Variants in GRM5 observed in about 807,000 individuals in gnomAD.
The protein encoded by GRM5 is glutamate metabotropic receptor 5, also known as metabotropic glutamate receptor 5.
Under a neutral mutation model 83.1 loss-of-function variants are expected in GRM5, and 19 were observed. The observed-to-expected ratio is 0.23, with a 90% CI of 0.16 to 0.34. The LOEUF is 0.34. Among genes scored for constraint, GRM5 ranks in the 10% least tolerant of loss-of-function variants. The pLI is 1.00. For synonymous variants in GRM5, 675 were observed against 633.6 expected (o/e 1.07, Z -0.98); for missense variants, 1,160 against 1,588.3 (o/e 0.73, Z 4.58).
At chr11:88,765,088 T>C (rs182450407) in intron 3 of GRM5, among the ~76,000 whole-genome samples, 4 of 151,522 alleles carry the variant, frequency 2.6e-5, no homozygotes, top group East Asian at 1.9e-4. Context: ...CAGTAACAAT[T>C]TGATAACCTA....
chr11:88,689,600 G>C (rs118096037), intron 3 of GRM5, among the ~76,000 whole-genome samples: 540 of 152,320 alleles, frequency 3.5e-3, no homozygotes, highest in Non-Finnish European at 6.0e-3. Flanking sequence ...TTTAGATGCT[G>C]ATCTTAGACA....
At chr11:88,722,245 C>A (rs1941559879) in intron 3 of GRM5, among the ~76,000 whole-genome samples, 1 of 152,028 alleles carries the variant, frequency 6.6e-6, no homozygotes, top group Admixed American at 6.6e-5. Context: ...ACTGTTAAAC[C>A]ACTCCTCTAA....
chr11:88,626,825 A>T (rs1938810142), intron 4 of GRM5, among the ~76,000 whole-genome samples: 2 of 152,192 alleles, frequency 1.3e-5, no homozygotes, highest in African/African-American at 4.8e-5. Context: ...ATACAAAAAA[A>T]ATTTGATTCA....
intron 3 of GRM5, among the ~76,000 whole-genome samples, chr11:88,683,159 C>A (rs1940536129): frequency 6.6e-6 from 1 of 152,184 alleles, no homozygotes; most frequent in Non-Finnish European, 1.5e-5. Context: ...GTCATAGCTA[C>A]AATGCCACCA....
chr11:88,816,162 G>C (rs1394460341), intron 3 of GRM5, among the ~76,000 whole-genome samples: 1 of 135,464 alleles, frequency 7.4e-6, no homozygotes, highest in Non-Finnish European at 1.5e-5. Flanking sequence ...GCAGTGAGCC[G>C]AGATTGCGCC....
At chr11:88,530,432 T>C (rs1402786324) in intron 8 of GRM5, among the ~76,000 whole-genome samples, 2 of 152,032 alleles carry the variant, frequency 1.3e-5, no homozygotes, top group Non-Finnish European at 2.9e-5. Flanking sequence ...GCTTATCTTC[T>C]GTAAAGATTT....
chr11:88,741,843 G>A (rs1391489084), intron 3 of GRM5, among the ~76,000 whole-genome samples: 2 of 151,900 alleles, frequency 1.3e-5, no homozygotes, highest in East Asian at 1.9e-4. Context: ...GGATTTCCTG[G>A]AGGAAATAGA....
intron 9 of GRM5, among the ~76,000 whole-genome samples, chr11:88,518,201 A>T (rs992176860): frequency 1.3e-5 from 2 of 152,034 alleles, no homozygotes; most frequent in African/African-American, 4.8e-5. Flanking sequence ...ATATACTCTG[A>T]GTAGTTAGTA....
intron 3 of GRM5, among the ~76,000 whole-genome samples, chr11:88,838,335 A>AC (rs1191048118): frequency 1.3e-5 from 2 of 152,010 alleles, no homozygotes; most frequent in Non-Finnish European, 2.9e-5. Context: ...ATAGTGACTC[A>AC]TCTGTCTGGT....
intron 7 of GRM5, among the ~76,000 whole-genome samples, chr11:88,579,894 A>G (rs1943188596): frequency 6.6e-6 from 1 of 152,208 alleles, no homozygotes; most frequent in Non-Finnish European, 1.5e-5. Context: ...GGGCAAGGGT[A>G]GAATCAAGGA....
At chr11:89,011,226 A>G (rs769895217) in intron 2 of GRM5, among the ~76,000 whole-genome samples, 5 of 152,024 alleles carry the variant, frequency 3.3e-5, no homozygotes, top group African/African-American at 4.8e-5. Flanking sequence ...AACTTCTGTA[A>G]TTCTTCATGA....
intron 3 of GRM5, among the ~76,000 whole-genome samples, chr11:88,762,499 CAGAA>C (rs1942542803): frequency 1.4e-5 from 1 of 69,866 alleles, no homozygotes; most frequent in African/African-American, 5.7e-5. Flanking sequence ...TCACACCACT[CAGAA>C]TGTATTATTA....
At chr11:88,837,599 A>G (rs1478657500) in intron 3 of GRM5, among the ~76,000 whole-genome samples, 1 of 152,220 alleles carries the variant, frequency 6.6e-6, no homozygotes, top group Non-Finnish European at 1.5e-5. Flanking sequence ...ACTTTAAAGC[A>G]CAAGCTCTAG....
At chr11:88,646,476 G>A (rs1385410847) in intron 4 of GRM5, among the ~76,000 whole-genome samples, 1 of 115,864 alleles carries the variant, frequency 8.6e-6, no homozygotes, top group Admixed American at 9.2e-5. Context: ...TTAGATTTAA[G>A]TTTTTAAATG....
intron 2 of GRM5, among the ~76,000 whole-genome samples, chr11:88,909,014 T>C (rs1331561661): frequency 6.6e-6 from 1 of 152,146 alleles, no homozygotes; most frequent in Non-Finnish European, 1.5e-5. Flanking sequence ...ACTTGGACTT[T>C]GAGGCCGAAG....
chr11:88,768,492 C>T (rs373048911), intron 3 of GRM5, among the ~76,000 whole-genome samples: 6 of 151,648 alleles, frequency 4.0e-5, no homozygotes, highest in African/African-American at 1.4e-4. Flanking sequence ...TTCACTTTTA[C>T]AAGATAAAAA....
chr11:88,977,826 T>C (rs2135017201), intron 2 of GRM5, among the ~76,000 whole-genome samples: 1 of 152,350 alleles, frequency 6.6e-6, no homozygotes, highest in African/African-American at 2.4e-5. Context: ...CTTATGACAA[T>C]TGACATGAAT....
At position 88,818,329 on chromosome 11, in the gene GRM5, T is replaced by G. The variant is rs554543044; in HGVS notation, c.911+31577A>C. On this transcript the variant is annotated intron_variant, in intron 3 of 9. Transcript: ENST00000305447. ...ACAGAAAAATAATCAGCCTGTGACA[T>G]TCCTCAAATGCCTCCATTCTGTACA... is the stretch of plus-strand genomic sequence containing the variant. 7.2e-5 allele frequency among the ~76,000 whole-genome samples: 11 copies of G among 152,200 alleles called. No homozygotes were observed. The South Asian group carries it at 2.1e-3, about 29-fold the overall frequency.
intron 2 of GRM5, among the ~76,000 whole-genome samples, chr11:88,882,133 A>G (rs1944963702): frequency 6.6e-6 from 1 of 152,006 alleles, no homozygotes; most frequent in African/African-American, 2.4e-5. Flanking sequence ...GCTATGCAGG[A>G]GGCTGAGGAA....
Sources: gnomAD v4.1 joint callset for allele counts (sites outside exome capture counted in the v4.1 genomes callset) on GRCh38, gnomAD v4.1.1 for gene constraint, MANE v1.5 for transcripts, NCBI Gene and HGNC (gene_info 2026-07-23, HGNC 2026-07-21) for gene names.